The following ASTN2 variants were observed in gnomAD, a reference collection of about 807,000 sequenced individuals.
ASTN2 encodes astrotactin-2.
ASTN2 carries 54 observed loss-of-function variants against 139.8 expected under a neutral mutation model. The observed-to-expected ratio is 0.39, with a 90% confidence interval of 0.31 to 0.48. The LOEUF is 0.48. Among genes scored for constraint, ASTN2 ranks in the 20% least tolerant of loss-of-function variants. The pLI, the probability that ASTN2 is intolerant of heterozygous loss-of-function variation, is 0.95. For synonymous variants in ASTN2, 756 were observed against 719.5 expected (o/e 1.05, Z -0.81); for missense variants, 1,565 against 1,725.1 (o/e 0.91, Z 1.64).
At chr9:116,585,622 A>G (rs1854115118) in intron 19 of ASTN2, 1 of 152,242 alleles carries the variant, frequency 6.6e-6, no homozygotes, top group African/African-American at 2.4e-5. Context: ...CACATGCAGA[A>G]GAATAAAACT....
chr9:116,871,828 C>T (rs1448903452), intron 10 of ASTN2, among the ~76,000 whole-genome samples: 1 of 152,170 alleles, frequency 6.6e-6, no homozygotes, highest in East Asian at 1.9e-4. Context: ...GTGGCTCCCC[C>T]TGCCCTGGGA....
chr9:116,700,902 T>C (rs1161954984), intron 16 of ASTN2: 1 of 167,020 alleles, frequency 6.0e-6, no homozygotes, highest in Non-Finnish European at 1.5e-5. Flanking sequence ...AGCACTATTA[T>C]GTAAAGATAA....
intron 22 of ASTN2, among the ~76,000 whole-genome samples, chr9:116,435,479 C>T (rs1405453301): frequency 6.6e-6 from 1 of 152,286 alleles, no homozygotes; most frequent in East Asian, 1.9e-4. Context: ...GCTAAACAAC[C>T]CAGCCTTGTT....
At chr9:117,347,508 T>A (rs1168029067) in intron 1 of ASTN2, among the ~76,000 whole-genome samples, 1 of 152,028 alleles carries the variant, frequency 6.6e-6, no homozygotes, top group Non-Finnish European at 1.5e-5. Context: ...CATTTTATAA[T>A]GAGGAAAATC....
At chr9:117,212,855 C>T (rs530350366) in intron 3 of ASTN2, among the ~76,000 whole-genome samples, 1 of 152,284 alleles carries the variant, frequency 6.6e-6, no homozygotes, top group South Asian at 2.1e-4. Flanking sequence ...CTAGTACAGT[C>T]ACTATATAGA....
intron 10 of ASTN2, among the ~76,000 whole-genome samples, chr9:116,921,966 G>A (rs963264259): frequency 1.3e-5 from 2 of 152,126 alleles, no homozygotes; most frequent in Non-Finnish European, 2.9e-5. Flanking sequence ...TCCAGCTCTG[G>A]ATATTACAAC....
chr9:116,726,012 T>C (rs1828612170), intron 15 of ASTN2, 62 bp from the exon 16 acceptor site: 3 of 1,516,356 alleles, frequency 2.0e-6, no homozygotes, highest in Non-Finnish European at 2.7e-6. Context: ...TAGCAAATTA[T>C]ACGGTGGCAG....
At chr9:117,365,255 AAC>A (rs1316971015) in intron 1 of ASTN2, among the ~76,000 whole-genome samples, 2 of 151,664 alleles carry the variant, frequency 1.3e-5, no homozygotes, top group South Asian at 2.1e-4. Flanking sequence ...GAGAGAGAGA[AAC>A]AGAGAGAAAA....
chr9:116,672,875 G>A (rs536502655), intron 16 of ASTN2, among the ~76,000 whole-genome samples: 2 of 152,206 alleles, frequency 1.3e-5, no homozygotes, highest in Non-Finnish European at 2.9e-5. Flanking sequence ...TCCTTAATAA[G>A]CAAACTTAGT....
chr9:116,663,557 A>C (rs1233667702), intron 16 of ASTN2, among the ~76,000 whole-genome samples: 1 of 152,210 alleles, frequency 6.6e-6, no homozygotes, highest in Non-Finnish European at 1.5e-5. Flanking sequence ...AAACATGTTC[A>C]AGATTGAGTT....
chr9:116,472,202 T>G (rs1848834680), intron 20 of ASTN2, among the ~76,000 whole-genome samples: 1 of 152,196 alleles, frequency 6.6e-6, no homozygotes, highest in Non-Finnish European at 1.5e-5. Flanking sequence ...CCTCATATAC[T>G]GTACATTTCA....
rs567024508 is a variant in ASTN2, at chr9:117,372,306, G to A, written c.442+42191C>T. Among the ~76,000 whole-genome samples, 6 of 152,238 alleles carry A rather than the reference G, an allele frequency of 3.9e-5. No homozygotes were observed. The South Asian group carries it at 1.2e-3, about 32-fold the overall frequency. On this transcript the variant is annotated intron_variant, in intron 1 of 22. Transcript: ENST00000313400. Reference sequence around the variant, plus strand: ...GAATCTTCCCCCAGAGGGTGAAGAAGGAAGAAGGAGCCTAAGTCAATGATC... The same window carrying A: ...GAATCTTCCCCCAGAGGGTGAAGAAAGAAGAAGGAGCCTAAGTCAATGATC...
intron 17 of ASTN2, among the ~76,000 whole-genome samples, chr9:116,626,168 T>TTG (rs1856450774): frequency 7.9e-6 from 1 of 126,496 alleles, no homozygotes; most frequent in Non-Finnish European, 1.6e-5. Flanking sequence ...TTTTTTTTTT[T>TTG]TTTTTTTTTT....
At chr9:116,658,603 C>T (rs993051503) in intron 16 of ASTN2, among the ~76,000 whole-genome samples, 2 of 151,984 alleles carry the variant, frequency 1.3e-5, no homozygotes, top group Non-Finnish European at 2.9e-5. Flanking sequence ...CATTGGGGAC[C>T]GCTGAAAAGC....
At position 116,605,352 on chromosome 9, in the gene ASTN2, T is replaced by A. The variant is rs190701602; in HGVS notation, c.3355+12972A>T. ...CTCTGTGAGTGCCAACAGAGCCAGATGGCCTTCCAGCCCTGAACTAAACAA... is the reference window on the plus strand; with the variant it reads ...CTCTGTGAGTGCCAACAGAGCCAGAAGGCCTTCCAGCCCTGAACTAAACAA... On this transcript the variant is annotated intron_variant, in intron 19 of 22. Transcript: ENST00000313400. 9.2e-5 allele frequency among the ~76,000 whole-genome samples: 14 copies of A among 152,202 alleles called. No individual in the cohort carries two copies. In the East Asian group the frequency reaches 2.5e-3, roughly 27 times the overall value.
chr9:116,539,393 A>T (rs1372923353), intron 19 of ASTN2, among the ~76,000 whole-genome samples: 1 of 152,158 alleles, frequency 6.6e-6, no homozygotes, highest in Non-Finnish European at 1.5e-5. Flanking sequence ...GGGAAAAAAA[A>T]AAGAAATGTA....
chr9:117,096,606 G>A (rs1248139532), intron 4 of ASTN2, among the ~76,000 whole-genome samples: 1 of 152,180 alleles, frequency 6.6e-6, no homozygotes, highest in Non-Finnish European at 1.5e-5. Flanking sequence ...GCAAGACGCT[G>A]GAGATACAAA....
chr9:116,600,679 G>A (rs1200830713), intron 19 of ASTN2, among the ~76,000 whole-genome samples: 3 of 152,144 alleles, frequency 2.0e-5, no homozygotes, highest in Non-Finnish European at 4.4e-5. Context: ...CAGCCAGGGT[G>A]ATAAAACTTT....
intron 6 of ASTN2, among the ~76,000 whole-genome samples, chr9:117,035,228 C>T (rs1030010273): frequency 6.6e-6 from 1 of 152,110 alleles, no homozygotes; most frequent in African/African-American, 2.4e-5. Flanking sequence ...ACATGAGCTG[C>T]CCTCATCCTG....
Sources: gnomAD v4.1 joint callset for allele counts (sites outside exome capture counted in the v4.1 genomes callset) on GRCh38, gnomAD v4.1.1 for gene constraint, MANE v1.5 for transcripts, NCBI Gene and HGNC (gene_info 2026-07-23, HGNC 2026-07-21) for gene names.